Variants in RNF150 observed in about 807,000 individuals in gnomAD.
The protein encoded by RNF150 is ring finger protein 150.
In RNF150, 24 loss-of-function variants were observed where a neutral mutation model predicts 39.3. The observed-to-expected ratio is 0.61, with a 90% CI of 0.44 to 0.86. The LOEUF is 0.86. Among genes scored for constraint, RNF150 ranks in the 40% least tolerant of loss-of-function variants. RNF150 has a pLI of 0.00. For synonymous variants in RNF150, 255 were observed against 227.3 expected (o/e 1.12, Z -1.10); for missense variants, 502 against 587.8 (o/e 0.85, Z 1.51).
rs139222376 is a variant in RNF150, at chr4:140,993,027, T to G, written c.485-25154A>C. On this transcript the variant is annotated intron_variant, in intron 1 of 6. Coordinates refer to ENST00000515673, the MANE Select transcript of RNF150 (RefSeq NM_020724.2). Reference sequence around the variant, plus strand: ...GGAAAACAATGCTCTCGGGAGTCGCTCATCCTCCCTTGGGGTGTCAAGAAC... The same window carrying G: ...GGAAAACAATGCTCTCGGGAGTCGCGCATCCTCCCTTGGGGTGTCAAGAAC... Among the ~76,000 whole-genome samples the G allele has an allele frequency of 2.6e-3, 389 of 151,450 alleles. 2 individuals are homozygous for G. The highest frequency in any genetic ancestry group is 9.0e-3 in the African/African-American group (373 of 41,272).
chr4:141,177,481 TCTCTCTC>T, intron 1 of RNF150, among the ~76,000 whole-genome samples: 1 of 150,970 alleles, frequency 6.6e-6, no homozygotes, highest in South Asian at 2.1e-4. Flanking sequence ...ATTCTTTCTC[TCTCTCTC>T]TCTCTCTCTC....
At chr4:141,072,131 A>G (rs1737729450) in intron 1 of RNF150, among the ~76,000 whole-genome samples, 1 of 152,196 alleles carries the variant, frequency 6.6e-6, no homozygotes, top group Admixed American at 6.5e-5. Flanking sequence ...TGTGAGCAGC[A>G]AAATTCCAGT....
chr4:140,975,045 C>A (rs1048860479), intron 1 of RNF150, among the ~76,000 whole-genome samples: 12 of 152,068 alleles, frequency 7.9e-5, no homozygotes, highest in Admixed American at 4.6e-4. Flanking sequence ...TGCTTCAGTT[C>A]AGGAGTTCGA....
rs1279508265 is a variant in RNF150, at chr4:141,132,210, C to T, written c.484+115G>A. ...ACTTAATCGGTCCAGGGAACCCAGACACGTCTTCCGCGCCGCACGGACTTC... is the reference window on the plus strand; with the variant it reads ...ACTTAATCGGTCCAGGGAACCCAGATACGTCTTCCGCGCCGCACGGACTTC... On this transcript the variant is annotated intron_variant, in intron 1 of 6. Transcript: ENST00000515673. This position sits in a 1 kb window ranked among gnomAD's most constrained non-coding sequence, Gnocchi z 4.9. 9.1e-7 allele frequency: 1 copy of T among 1,102,266 alleles called. No individual in the cohort carries two copies. The highest frequency in any genetic ancestry group is 1.6e-5 in the African/African-American group (1 of 63,110). 68.3% of individuals were successfully genotyped at this position (1,102,266 alleles called of 1,614,324 possible). A position where few individuals can be genotyped will look rare whatever the true frequency, so the allele number is the denominator to read the frequency against.
chr4:141,013,040 A>G (rs1044528859), intron 1 of RNF150, among the ~76,000 whole-genome samples: 1 of 152,188 alleles, frequency 6.6e-6, no homozygotes, highest in Non-Finnish European at 1.5e-5. Flanking sequence ...GACATCTTGG[A>G]GACAAATGGG....
At chr4:141,186,572 G>C (rs1728016459) in intron 1 of RNF150, among the ~76,000 whole-genome samples, 1 of 125,124 alleles carries the variant, frequency 8.0e-6, no homozygotes, top group African/African-American at 2.5e-5. Flanking sequence ...CTATTTTTTT[G>C]TATTTTTTTT....
intron 6 of RNF150, among the ~76,000 whole-genome samples, chr4:140,891,982 C>G (rs560964442): frequency 6.6e-6 from 1 of 152,302 alleles, no homozygotes; most frequent in South Asian, 2.1e-4. Context: ...CCCCAACCAC[C>G]TCTCTTGTGG....
chr4:140,919,008 A>AT (rs1730982137), intron 5 of RNF150, among the ~76,000 whole-genome samples: 1 of 152,092 alleles, frequency 6.6e-6, no homozygotes, highest in South Asian at 2.1e-4. Context: ...AAAACTCTCA[A>AT]TAAGTTAGGT....
At chr4:141,109,147 G>A (rs1460643714) in intron 1 of RNF150, among the ~76,000 whole-genome samples, 2 of 152,012 alleles carry the variant, frequency 1.3e-5, no homozygotes, top group African/African-American at 4.8e-5. Flanking sequence ...GATTTGATTT[G>A]TTTTGCTATT....
intron 6 of RNF150, among the ~76,000 whole-genome samples, chr4:140,905,452 C>T (rs1397149377): frequency 6.6e-6 from 1 of 152,100 alleles, no homozygotes; most frequent in African/African-American, 2.4e-5. Context: ...CTGCTCTCTG[C>T]CCCATTGCCA....
chr4:141,118,265 C>G (rs969878970), intron 1 of RNF150, among the ~76,000 whole-genome samples: 1 of 152,158 alleles, frequency 6.6e-6, no homozygotes, highest in Admixed American at 6.5e-5. Context: ...GTCATACCCA[C>G]CTGCATTTGA....
At chr4:140,891,662 T>C (rs964405254) in intron 6 of RNF150, among the ~76,000 whole-genome samples, 5 of 152,194 alleles carry the variant, frequency 3.3e-5, no homozygotes, top group Admixed American at 3.3e-4. Context: ...AAGTTCCTTA[T>C]ATAAAATGGT....
chr4:140,969,401 G>A (rs1475074584), intron 1 of RNF150, among the ~76,000 whole-genome samples: 2 of 152,086 alleles, frequency 1.3e-5, no homozygotes, highest in East Asian at 3.9e-4. Context: ...TTTCAACTCT[G>A]AAGAATTTAC....
intron 1 of RNF150, among the ~76,000 whole-genome samples, chr4:141,036,188 T>C (rs1241797986): frequency 6.6e-6 from 1 of 152,198 alleles, no homozygotes; most frequent in South Asian, 2.1e-4. Context: ...ACTCTAGCAA[T>C]AGTTTATTTT....
rs1728589941 is a variant in RNF150 at position 140,863,829 on chromosome 4, T to C, written c.*4432A>G. On this transcript the variant is annotated 3_prime_UTR_variant, in exon 7 of 7. Coordinates refer to ENST00000515673, the MANE Select transcript of RNF150 (RefSeq NM_020724.2). ...GCCCAGATTTTTTGAAAAGTTTTGA[T>C]TTAAGGATTTTTTTTTAAGTCAGGG... 6.7e-6 allele frequency: 1 copy of C among 149,078 alleles called. No individual in the cohort carries two copies. The highest frequency in any genetic ancestry group is 2.2e-4 in the South Asian group (1 of 4,506). 9.2% of individuals were successfully genotyped at this position (149,078 alleles called of 1,614,324 possible). A position where few individuals can be genotyped will look rare whatever the true frequency, so the allele number is the denominator to read the frequency against.
intron 1 of RNF150, among the ~76,000 whole-genome samples, chr4:140,992,150 T>A (rs1465237814): frequency 3.3e-5 from 5 of 152,184 alleles, no homozygotes; most frequent in Non-Finnish European, 7.3e-5. Context: ...GCCTTCAGAA[T>A]TTCTATCTGA....
At chr4:141,199,966 A>G (rs1385834096) in intron 1 of RNF150, among the ~76,000 whole-genome samples, 1 of 152,194 alleles carries the variant, frequency 6.6e-6, no homozygotes, top group Non-Finnish European at 1.5e-5. Context: ...ATACATATAT[A>G]TGTGCATATA....
intron 5 of RNF150, among the ~76,000 whole-genome samples, chr4:140,920,139 T>C (rs1054814862): frequency 2.0e-5 from 3 of 150,148 alleles, no homozygotes; most frequent in South Asian, 2.2e-4. Context: ...AAGGACTTCA[T>C]GTCTAAAACA....
intron 1 of RNF150, among the ~76,000 whole-genome samples, chr4:141,113,953 G>A (rs927551752): frequency 1.6e-4 from 25 of 152,166 alleles, no homozygotes; most frequent in Admixed American, 6.5e-4. Context: ...TAACTTCTTC[G>A]AAACCAAAAA....
Sources: gnomAD v4.1 joint callset for allele counts (sites outside exome capture counted in the v4.1 genomes callset) on GRCh38, gnomAD v4.1.1 for gene constraint, Gnocchi (gnomAD v3.1) non-coding constraint, MANE v1.5 for transcripts, NCBI Gene and HGNC (gene_info 2026-07-23, HGNC 2026-07-21) for gene names.